The following AUTS2 variants were observed in gnomAD, a reference collection of about 807,000 sequenced individuals.
AUTS2 encodes the protein autism susceptibility gene 2 protein.
In AUTS2, 17 loss-of-function variants were observed where a neutral mutation model predicts 112.4. The ratio of observed to expected loss-of-function variants is 0.15; its 90% CI spans 0.10 to 0.23. The LOEUF (loss-of-function observed/expected upper bound fraction) is 0.23, where lower values mean the gene tolerates loss of function less well. AUTS2 is among the 10% of genes least tolerant of loss of function. The pLI is 1.00. For missense variants in AUTS2, 1,510 were observed against 1,701.6 expected (o/e 0.89, Z 1.98); for synonymous variants, 751 against 702.7 (o/e 1.07, Z -1.09).
chr7:70,061,824 G>T (rs987434240), intron 2 of AUTS2, among the ~76,000 whole-genome samples: 2 of 146,998 alleles, frequency 1.4e-5, no homozygotes, highest in African/African-American at 2.5e-5. Flanking sequence ...TTTCACTCTT[G>T]TTGCCCAGGC....
chr7:70,776,940 G>C, intron 13 of AUTS2, 163 bp from the exon 14 acceptor site: 6 of 684,710 alleles, frequency 8.8e-6, no homozygotes, highest in African/African-American at 1.8e-5. Flanking sequence ...CTTATGACTG[G>C]GCGCTGGAGA....
At chr7:70,351,009 C>A (rs1330800422) in intron 4 of AUTS2, among the ~76,000 whole-genome samples, 1 of 149,524 alleles carries the variant, frequency 6.7e-6, no homozygotes, top group Non-Finnish European at 1.5e-5. Flanking sequence ...CACTTATCAT[C>A]GTGTTCTCCA....
intron 5 of AUTS2, among the ~76,000 whole-genome samples, chr7:70,696,810 A>G (rs781619896): frequency 6.6e-5 from 10 of 152,214 alleles, no homozygotes; most frequent in Non-Finnish European, 8.8e-5. Context: ...AGTCACTTTA[A>G]TAGGTAATCC....
intron 5 of AUTS2, among the ~76,000 whole-genome samples, chr7:70,657,127 T>G (rs575800244): frequency 6.6e-6 from 1 of 152,322 alleles, no homozygotes; most frequent in Admixed American, 6.5e-5. Context: ...CTTCTGGTTT[T>G]CTAATGTAGG....
At chr7:69,630,407 T>C (rs1794174409) in intron 1 of AUTS2, among the ~76,000 whole-genome samples, 1 of 152,210 alleles carries the variant, frequency 6.6e-6, no homozygotes, top group Non-Finnish European at 1.5e-5. Flanking sequence ...TAGCTGTGCT[T>C]CTAAGGATGT....
At position 70,781,774 on chromosome 7, in the gene AUTS2, T is replaced by TG. The variant is rs561670000; in HGVS notation, c.2146+24dup. On this transcript the variant is annotated intron_variant, in intron 15 of 18. Coordinates refer to ENST00000342771, the MANE Select transcript of AUTS2 (RefSeq NM_015570.4). ...TGCCGCTGGTGAGTGTGGGTTTGGG[T>TG]GGGGGGACAGAGCTGAGAAATGTAG... The TG allele has an allele frequency of 4.3e-6, 7 of 1,612,504 alleles. No individual in the cohort carries two copies. The highest frequency in any genetic ancestry group is 1.3e-5 in the African/African-American group (1 of 74,802).
intron 4 of AUTS2, among the ~76,000 whole-genome samples, chr7:70,433,302 T>C (rs1238553182): frequency 2.0e-5 from 3 of 152,176 alleles, no homozygotes; most frequent in Admixed American, 1.3e-4. Flanking sequence ...GCAAATGCGA[T>C]GCCACAGCCT....
chr7:69,670,475 C>G (rs1241502250), intron 1 of AUTS2, among the ~76,000 whole-genome samples: 1 of 147,072 alleles, frequency 6.8e-6, no homozygotes, highest in Non-Finnish European at 1.5e-5. Flanking sequence ...CCCAGGAAAT[C>G]AGATGGGGAT....
chr7:70,239,481 G>C (rs773356069), intron 4 of AUTS2, among the ~76,000 whole-genome samples: 6 of 151,936 alleles, frequency 3.9e-5, no homozygotes, highest in Non-Finnish European at 1.5e-5. Flanking sequence ...TTTTGCCCAG[G>C]CTGGAGTGCA....
At chr7:69,674,063 C>T (rs1236134161) in intron 1 of AUTS2, among the ~76,000 whole-genome samples, 1 of 152,222 alleles carries the variant, frequency 6.6e-6, no homozygotes, top group Non-Finnish European at 1.5e-5. Flanking sequence ...TCCTGTTTTG[C>T]AAAGGCACAT....
intron 1 of AUTS2, among the ~76,000 whole-genome samples, chr7:69,637,287 G>A (rs765859357): frequency 6.6e-6 from 1 of 152,182 alleles, no homozygotes; most frequent in Non-Finnish European, 1.5e-5. Flanking sequence ...GGGCATGCAT[G>A]TTTTAACATT....
intron 2 of AUTS2, among the ~76,000 whole-genome samples, chr7:70,015,597 G>A (rs956334226): frequency 1.3e-5 from 2 of 152,162 alleles, no homozygotes; most frequent in Admixed American, 1.3e-4. Context: ...CCCATGTTGT[G>A]AGAAGATTGT....
intron 6 of AUTS2, among the ~76,000 whole-genome samples, chr7:70,706,907 AC>A (rs1809770862): frequency 6.6e-6 from 1 of 152,214 alleles, no homozygotes; most frequent in Non-Finnish European, 1.5e-5. Flanking sequence ...GTTACCTTGA[AC>A]ATGGGCTTTG....
chr7:70,498,825 C>T (rs1798661436), intron 5 of AUTS2, among the ~76,000 whole-genome samples: 1 of 152,272 alleles, frequency 6.6e-6, no homozygotes, highest in African/African-American at 2.4e-5. Context: ...GGGGAGTATT[C>T]ACACTTCTGA....
chr7:70,269,408 A>T (rs375132687), intron 4 of AUTS2, among the ~76,000 whole-genome samples: 2 of 149,766 alleles, frequency 1.3e-5, no homozygotes, highest in Non-Finnish European at 3.0e-5. Context: ...GAACTGGGGG[A>T]TGGGGGTGTT....
intron 5 of AUTS2, among the ~76,000 whole-genome samples, chr7:70,453,016 A>ACCTCCCTAT (rs1796595645): frequency 6.6e-6 from 1 of 151,532 alleles, no homozygotes; most frequent in South Asian, 2.1e-4. Context: ...TCCCTTCCCC[A>ACCTCCCTAT]CCTCCCTATC....
intron 4 of AUTS2, among the ~76,000 whole-genome samples, chr7:70,341,237 T>G (rs1208958952): frequency 6.6e-6 from 1 of 152,154 alleles, no homozygotes; most frequent in Non-Finnish European, 1.5e-5. Context: ...CTTACCGGAG[T>G]AACAGCATTA....
chr7:70,483,604 C>T (rs1330143784), intron 5 of AUTS2, among the ~76,000 whole-genome samples: 1 of 152,168 alleles, frequency 6.6e-6, no homozygotes, highest in African/African-American at 2.4e-5. Flanking sequence ...CCACAGTTTC[C>T]TCATCTGGAA....
chr7:70,634,126 C>T (rs1458267870), intron 5 of AUTS2, among the ~76,000 whole-genome samples: 1 of 152,142 alleles, frequency 6.6e-6, no homozygotes, highest in Non-Finnish European at 1.5e-5. Context: ...CCTTGTGGTG[C>T]TCACCTTCTA....
Sources: allele counts gnomAD v4.1 joint callset (sites outside exome capture counted in the v4.1 genomes callset), GRCh38; gene constraint gnomAD v4.1.1; transcripts MANE v1.5; gene names NCBI Gene and HGNC (gene_info 2026-07-23, HGNC 2026-07-21).